The following SYTL2 variants were observed in gnomAD, a reference collection of about 807,000 sequenced individuals.
SYTL2 encodes the protein synaptotagmin-like protein 2.
A neutral mutation model predicts 198.7 loss-of-function variants in SYTL2; 165 were observed. The observed-to-expected ratio is 0.83, with a 90% CI of 0.73 to 0.94. The LOEUF is 0.94. Ranked by LOEUF, SYTL2 falls within the 40% of genes least tolerant of loss-of-function variation. SYTL2 has a pLI of 0.00. For missense variants in SYTL2, 2,835 were observed against 2,582.8 expected (o/e 1.10, Z -2.12); for synonymous variants, 966 against 917.7 (o/e 1.05, Z -0.95).
At position 85,724,751 on chromosome 11, in the gene SYTL2, C is replaced by A. The variant is rs774636309; in HGVS notation, c.4607G>T (p.Arg1536Met). The A allele has an allele frequency of 1.2e-6, 2 of 1,613,302 alleles. No individual in the cohort carries two copies. Among genetic ancestry groups the A allele is most frequent in the Non-Finnish European group, 1.7e-6 (2 of 1,179,774 alleles). Residue 1536 changes from arginine to methionine, a missense_variant, in exon 8 of 20, where the codon AGG (arginine) becomes ATG (methionine). Transcript: ENST00000359152. ...AGGATGGCATTCAGAAGTGGCTCGC[C>A]TGGGCTCCTCTGTACTACCTATTAA... ...SKLIGSTEEP[R>M]RATSECHPEE...
In SYTL2 at chr11:85,804,182, A is replaced by G. The variant is rs114144097; in HGVS notation, c.-390+6772T>C. Among the ~76,000 whole-genome samples, 929 of 152,240 alleles carry G rather than the reference A, an allele frequency of 6.1e-3. 12 individuals carry two copies. The highest frequency in any genetic ancestry group is 0.022 in the African/African-American group (902 of 41,536). ...TTCCTGAAATACTTAAACTTTATTA[A>G]TTATTACTATCTCTGTGTAACAAAA... On this transcript the variant is annotated intron_variant, in intron 1 of 19. Transcript: ENST00000359152.
At chr11:85,754,354 A>C (rs545709023) in intron 2 of SYTL2, among the ~76,000 whole-genome samples, 6 of 152,310 alleles carry the variant, frequency 3.9e-5, no homozygotes, top group South Asian at 4.1e-4. Flanking sequence ...ACTACATTAA[A>C]TAATTAAGAG....
At chr11:85,841,060 T>C in the SYTL2 span, among the ~76,000 whole-genome samples, 1 of 151,954 alleles carries the variant, frequency 6.6e-6, no homozygotes, top group African/African-American at 2.4e-5. Context: ...AAGACAGACA[T>C]GTGGCCAATA....
At chr11:85,720,801 C>T (rs528877509) in intron 9 of SYTL2, 57 bp downstream of exon 9, 5 of 1,212,942 alleles carry the variant, frequency 4.1e-6, no homozygotes, top group African/African-American at 3.0e-5. Flanking sequence ...CAGGAGAGCA[C>T]ATAGGCATTT....
intron 6 of SYTL2, among the ~76,000 whole-genome samples, chr11:85,736,108 C>A (rs1565954321): frequency 6.6e-6 from 1 of 152,224 alleles, no homozygotes; most frequent in Non-Finnish European, 1.5e-5. Flanking sequence ...ATTAGAGGAT[C>A]ATAACATTGT....
chr11:85,808,711 G>T (rs1483288488), intron 1 of SYTL2, among the ~76,000 whole-genome samples: 1 of 152,056 alleles, frequency 6.6e-6, no homozygotes, highest in Non-Finnish European at 1.5e-5. Flanking sequence ...CATATATTAT[G>T]AAATCAAATG....
chr11:85,699,125 G>A (rs1346349359), intron 17 of SYTL2, among the ~76,000 whole-genome samples: 2 of 152,204 alleles, frequency 1.3e-5, no homozygotes, highest in African/African-American at 4.8e-5. Flanking sequence ...AATGTTTATA[G>A]TTATGTTGGA....
In SYTL2 at chr11:85,727,624, G is replaced by A; in HGVS notation, c.1734C>T (p.Pro578=). Residue 578 remains proline (P), a synonymous_variant, in exon 8 of 20, where the codon CCC becomes CCT. Coordinates refer to ENST00000359152, the MANE Select transcript of SYTL2 (RefSeq NM_206927.4). ...LRENGSKTLS[P]SKIELKPVRS... is the part of the protein sequence containing the mutation. ...TCACAGGCTTCAATTCAATTTTGCT[G>A]GGTGATAGGGTCTTTGAGCCATTTT... The A allele has an allele frequency of 6.5e-7, 1 of 1,535,864 alleles. No individual in the cohort carries two copies.
At chr11:85,760,689 C>T (rs2092072146) in intron 1 of SYTL2, among the ~76,000 whole-genome samples, 1 of 152,058 alleles carries the variant, frequency 6.6e-6, no homozygotes. Context: ...AAACTTAGGT[C>T]GTCTAGCAGT....
intron 1 of SYTL2, among the ~76,000 whole-genome samples, chr11:85,782,811 G>T (rs1184232151): frequency 6.6e-6 from 1 of 152,196 alleles, no homozygotes; most frequent in African/African-American, 2.4e-5. Flanking sequence ...ACCAAAGCAT[G>T]ATGAGCTTTG....
the SYTL2 span, among the ~76,000 whole-genome samples, chr11:85,819,381 G>T: frequency 1.3e-5 from 2 of 152,298 alleles, no homozygotes; most frequent in African/African-American, 4.8e-5. Context: ...CGATTCTGTG[G>T]GTTGGATGGT....
intron 4 of SYTL2, among the ~76,000 whole-genome samples, chr11:85,740,250 T>C (rs1407499673): frequency 6.6e-6 from 1 of 152,182 alleles, no homozygotes; most frequent in African/African-American, 2.4e-5. Context: ...ATCTACTTAC[T>C]GCCCCAGAAA....
intron 1 of SYTL2, among the ~76,000 whole-genome samples, chr11:85,786,476 A>C (rs1159496006): frequency 1.3e-5 from 2 of 152,244 alleles, no homozygotes; most frequent in African/African-American, 4.8e-5. Flanking sequence ...AAATGTTACC[A>C]TAGGGGAAAC....
rs1411609446 is a variant in SYTL2 at position 85,720,977 on chromosome 11, C to T, written c.5327-18G>A. On this transcript the variant is annotated intron_variant, in intron 8 of 19. Transcript: ENST00000359152. The stretch of plus-strand genomic sequence containing the variant: ...TTCTGAACCTGTTATAAAACAAAAT[C>T]GATGAACACTGCACAATACCAAAAA... The T allele has an allele frequency of 2.6e-5, 39 of 1,496,190 alleles. No homozygotes were observed. Among genetic ancestry groups the T allele is most frequent in the Non-Finnish European group, 3.6e-5 (39 of 1,076,192 alleles). 92.7% of individuals were successfully genotyped at this position (1,496,190 alleles called of 1,614,324 possible).
the SYTL2 span, among the ~76,000 whole-genome samples, chr11:85,829,488 T>C: frequency 1.3e-5 from 2 of 152,238 alleles, no homozygotes; most frequent in African/African-American, 4.8e-5. Context: ...GTCTTTGCTA[T>C]TGTGAGTACT....
chr11:85,846,025 A>G, the SYTL2 span, among the ~76,000 whole-genome samples: 1 of 152,224 alleles, frequency 6.6e-6, no homozygotes, highest in Non-Finnish European at 1.5e-5. Flanking sequence ...TGTGGCTTCA[A>G]CTGAGATTAA....
intron 5 of SYTL2, among the ~76,000 whole-genome samples, 194 bp downstream of exon 5, chr11:85,737,381 T>C (rs1591821243): frequency 6.6e-6 from 1 of 152,210 alleles, no homozygotes; most frequent in East Asian, 1.9e-4. Flanking sequence ...TGCAATGACA[T>C]GGTATCCATC....
chr11:85,842,355 G>A, the SYTL2 span, among the ~76,000 whole-genome samples: 4 of 152,182 alleles, frequency 2.6e-5, no homozygotes, highest in East Asian at 1.9e-4. Flanking sequence ...CCGGGGAATC[G>A]ATGCCCTCAG....
At chr11:85,747,136 T>G (rs77522948) in intron 3 of SYTL2, among the ~76,000 whole-genome samples, 117 of 152,210 alleles carry the variant, frequency 7.7e-4, no homozygotes, top group African/African-American at 2.6e-3. Flanking sequence ...TTAATGAACT[T>G]GATAGAATTT....
Sources: allele counts gnomAD v4.1 joint callset (sites outside exome capture counted in the v4.1 genomes callset), GRCh38; gene constraint gnomAD v4.1.1; transcripts MANE v1.5; gene names NCBI Gene and HGNC (gene_info 2026-07-23, HGNC 2026-07-21).